CDC42SE2: variants seen among roughly 807,000 people sequenced by gnomAD.
CDC42SE2 encodes the protein CDC42 small effector protein 2.
Under a neutral mutation model 11.5 loss-of-function variants are expected in CDC42SE2, and 3 were observed. The observed-to-expected ratio is 0.26, with a 90% CI of 0.12 to 0.67. CDC42SE2 has a LOEUF of 0.67. Ranked by LOEUF, CDC42SE2 falls within the 30% of genes least tolerant of loss-of-function variation. The pLI is 0.80. For missense variants in CDC42SE2, 82 were observed against 106.8 expected, an observed-to-expected ratio of 0.77 and a Z score of 1.02; for synonymous variants, 33 against 34.8, an observed-to-expected ratio of 0.95 and a Z score of 0.18.
At chr5:131,226,241 G>A in the CDC42SE2 span, among the ~76,000 whole-genome samples, 2 of 152,242 alleles carry the variant, frequency 1.3e-5, no homozygotes, top group Admixed American at 6.5e-5. Context: ...TAGGTGGACA[G>A]TCTACTGAAG....
upstream of CDC42SE2, among the ~76,000 whole-genome samples, chr5:131,261,774 C>T (rs111301472): frequency 1.7e-3 from 261 of 150,616 alleles, no homozygotes; most frequent in African/African-American, 5.7e-3. Context: ...CACTTGAGCC[C>T]GGAAGACAGA....
At chr5:131,276,965 C>T (rs1757114495) in intron 1 of CDC42SE2, among the ~76,000 whole-genome samples, 1 of 151,990 alleles carries the variant, frequency 6.6e-6, no homozygotes, top group Admixed American at 6.6e-5. Context: ...GTCTTGAACT[C>T]CTGACCTCAG....
intron 1 of CDC42SE2, among the ~76,000 whole-genome samples, chr5:131,274,492 A>G (rs1188822746): frequency 1.3e-5 from 2 of 152,208 alleles, no homozygotes; most frequent in Non-Finnish European, 2.9e-5. Context: ...CGTCTCTTGC[A>G]TGTATTATTT....
intron 1 of CDC42SE2, among the ~76,000 whole-genome samples, chr5:131,271,090 C>G (rs1480127686): frequency 6.6e-6 from 1 of 152,188 alleles, no homozygotes; most frequent in Non-Finnish European, 1.5e-5. Context: ...GTCTAGGAAG[C>G]TCCAGCTATA....
At chr5:131,218,604 C>G in the CDC42SE2 span, among the ~76,000 whole-genome samples, 6 of 148,128 alleles carry the variant, frequency 4.1e-5, no homozygotes, top group Admixed American at 6.6e-5. Context: ...TTAGCCCAAA[C>G]GAAACAACTC....
chr5:131,385,727 TAGC>T, intron 4 of CDC42SE2, 83 bp downstream of exon 4: 1 of 763,696 alleles, frequency 1.3e-6, no homozygotes, highest in Non-Finnish European at 2.3e-6. Context: ...GCATTTTTAA[TAGC>T]ATTATGCTAA....
intron 1 of CDC42SE2, among the ~76,000 whole-genome samples, chr5:131,302,163 C>T (rs1046059228): frequency 3.8e-4 from 57 of 151,650 alleles, no homozygotes; most frequent in East Asian, 1.9e-4. Context: ...CGCGCCACTA[C>T]TGCCCGGCTA....
At chr5:131,369,436 T>C (rs1254538488) in intron 3 of CDC42SE2, among the ~76,000 whole-genome samples, 1 of 152,212 alleles carries the variant, frequency 6.6e-6, no homozygotes, top group Admixed American at 6.5e-5. Flanking sequence ...GGTATATACC[T>C]AGGAGTGACA....
At chr5:131,343,668 G>A (rs2149755044) in intron 2 of CDC42SE2, among the ~76,000 whole-genome samples, 1 of 150,150 alleles carries the variant, frequency 6.7e-6, no homozygotes, top group Admixed American at 6.6e-5. Flanking sequence ...AGCTGAGATC[G>A]CACCATTGCA....
chr5:131,270,517 A>G (rs947738147), intron 1 of CDC42SE2, among the ~76,000 whole-genome samples: 2 of 152,220 alleles, frequency 1.3e-5, no homozygotes, highest in Non-Finnish European at 2.9e-5. Flanking sequence ...CACCGTATAT[A>G]TAGAGGGAAT....
chr5:131,313,279 G>T (rs1276441971), intron 1 of CDC42SE2, among the ~76,000 whole-genome samples: 2 of 152,190 alleles, frequency 1.3e-5, no homozygotes, highest in South Asian at 4.1e-4. Flanking sequence ...ACCGCGCCTG[G>T]CCCCTCTCTT....
chr5:131,248,493 T>C (rs752869810), intron 1 of CDC42SE2, among the ~76,000 whole-genome samples: 8 of 152,132 alleles, frequency 5.3e-5, no homozygotes, highest in Non-Finnish European at 1.2e-4. Flanking sequence ...ATTTTTTCTG[T>C]TTAATCTTCA....
chr5:131,319,543 T>A (rs1373246919), intron 2 of CDC42SE2, among the ~76,000 whole-genome samples: 1 of 152,188 alleles, frequency 6.6e-6, no homozygotes, highest in African/African-American at 2.4e-5. Flanking sequence ...CATGCAGTAT[T>A]GTTTCTCAAA....
intron 2 of CDC42SE2, among the ~76,000 whole-genome samples, chr5:131,326,275 T>C (rs1348842688): frequency 1.3e-5 from 2 of 152,132 alleles, no homozygotes; most frequent in Non-Finnish European, 2.9e-5. Context: ...TGCTAATTTT[T>C]TGTATTTTTA....
intron 2 of CDC42SE2, among the ~76,000 whole-genome samples, chr5:131,354,178 C>T (rs1291443420): frequency 2.0e-5 from 3 of 151,968 alleles, no homozygotes; most frequent in East Asian, 1.9e-4. Flanking sequence ...GCAGAGGTTG[C>T]GGTGAGCTGA....
intron 3 of CDC42SE2, among the ~76,000 whole-genome samples, chr5:131,363,360 A>T (rs1749766144): frequency 6.6e-6 from 1 of 151,006 alleles, no homozygotes; most frequent in Admixed American, 6.6e-5. Context: ...TGCTGCTTGT[A>T]TCTGGAATGT....
chr5:131,364,914 A>G (rs1161372059), intron 3 of CDC42SE2, among the ~76,000 whole-genome samples: 3 of 152,210 alleles, frequency 2.0e-5, no homozygotes, highest in African/African-American at 4.8e-5. Flanking sequence ...GGTTACTTCA[A>G]GGGAAGTGGT....
At chr5:131,316,975 C>T (rs192621331) in intron 2 of CDC42SE2, among the ~76,000 whole-genome samples, 3 of 152,268 alleles carry the variant, frequency 2.0e-5, no homozygotes, top group African/African-American at 7.2e-5. Flanking sequence ...TTTATGAAGT[C>T]AAGGGGTATG....
intron 3 of CDC42SE2, among the ~76,000 whole-genome samples, chr5:131,383,953 GAC>G (rs1052422153): frequency 1.3e-5 from 2 of 152,174 alleles, no homozygotes; most frequent in African/African-American, 4.8e-5. Flanking sequence ...GAAGATTATA[GAC>G]ACACACATGT....
Sources: gnomAD v4.1 joint callset for allele counts (sites outside exome capture counted in the v4.1 genomes callset) on GRCh38, gnomAD v4.1.1 for gene constraint, MANE v1.5 for transcripts, NCBI Gene and HGNC (gene_info 2026-07-23, HGNC 2026-07-21) for gene names.